DNASE2: variants seen among roughly 807,000 people sequenced by gnomAD.
The protein encoded by DNASE2 is deoxyribonuclease 2, lysosomal.
DNASE2 carries 26 observed loss-of-function variants against 29.8 expected under a neutral mutation model. The observed-to-expected ratio is 0.87, with a 90% CI of 0.64 to 1.21. DNASE2 has a LOEUF of 1.21. DNASE2 is among the 50% of genes most tolerant of loss of function. The probability of loss-of-function intolerance (pLI) is 0.00; values close to 1 mark genes in which losing one functional copy is unlikely to be tolerated. For synonymous variants in DNASE2, 186 were observed against 193.5 expected (o/e 0.96, Z 0.32); for missense variants, 415 against 455.6 (o/e 0.91, Z 0.81).
At chr19:12,876,984 G>A (rs564826311) in intron 5 of DNASE2, among the ~76,000 whole-genome samples, 3 of 151,674 alleles carry the variant, frequency 2.0e-5, no homozygotes, top group South Asian at 4.2e-4. Flanking sequence ...CACCACACCC[G>A]GCTAATTTTT....
chr19:12,878,651 T>C lies in DNASE2; in HGVS notation c.511+19A>G, dbSNP rs746953632. 1 of 1,613,998 alleles carries C rather than the reference T, an allele frequency of 6.2e-7. No homozygotes were observed. The highest frequency in any genetic ancestry group is 1.1e-5 in the South Asian group (1 of 91,066). ...GTCAGTAAACCCAGGACTCATCCTG[T>C]GTCCCTGACTCGACTTACCCATCTT... On this transcript the variant is annotated intron_variant, in intron 4 of 5. Transcript: ENST00000222219.
Position 12,876,259 on chromosome 19 carries a change from G to A in DNASE2, c.814C>T (p.Gln272Ter). Reference sequence around the variant, plus strand: ...GCTATCTGGTTCACATTCAGAACCTGCCAGATATCCGAGCAGTTAGAGGGC... The same window carrying A: ...GCTATCTGGTTCACATTCAGAACCTACCAGATATCCGAGCAGTTAGAGGGC... ...ILPSNCSDIW[Q>*]VLNVNQIAFP... is the part of the protein sequence containing the mutation. The change falls in exon 6 of 6, where the codon CAG (glutamine) becomes TAG (stop). Residue 272 changes from glutamine to a stop codon, truncating the protein, a stop_gained. Coordinates refer to ENST00000222219, the MANE Select transcript of DNASE2 (RefSeq NM_001375.3). LOFTEE classifies it low-confidence loss of function (END_TRUNC). 6.2e-7 allele frequency: 1 copy of A among 1,614,178 alleles called. No individual in the cohort carries two copies. The highest frequency in any genetic ancestry group is 8.5e-7 in the Non-Finnish European group (1 of 1,180,034).
chr19:12,881,249 C>A, intron 1 of DNASE2, 41 bp downstream of exon 1: 1 of 1,597,996 alleles, frequency 6.3e-7, no homozygotes, highest in South Asian at 1.1e-5. Context: ...TGACCGCAGC[C>A]GGACCCCGGG....
intron 3 of DNASE2, 151 bp downstream of exon 3, chr19:12,880,651 A>T: frequency 9.9e-7 from 1 of 1,013,368 alleles, no homozygotes; most frequent in Non-Finnish European, 1.5e-6. Flanking sequence ...GCGAACTCCC[A>T]CCGTCTCAAA....
At position 12,878,701 on chromosome 19, in the gene DNASE2, C is replaced by A; in HGVS notation, c.480G>T (p.Val160=). The A allele has an allele frequency of 6.2e-7, 1 of 1,614,098 alleles. No individual in the cohort carries two copies. Residue 160 remains valine (V), a synonymous_variant, in exon 4 of 6, where the codon GTG becomes GTT. Transcript: ENST00000222219. The stretch of plus-strand genomic sequence containing the variant: ...TCGAGAACTGAGCGAAGGGAAAAGA[C>A]ACACAGAGCAGGGTCTGCCCGTAGG... The part of the protein sequence containing the change: ...ACTYGQTLLC[V]SFPFAQFSKM...
rs1467106300 is a variant in DNASE2, at chr19:12,875,991, T to C, written c.1082A>G (p.Ter361=). 1 of 1,613,146 alleles carries C rather than the reference T, an allele frequency of 6.2e-7. No individual in the cohort carries two copies. Among genetic ancestry groups the C allele is most frequent in the East Asian group, 2.2e-5 (1 of 44,882 alleles). The change falls in exon 6 of 6, where the codon TAA becomes TGA. Residue 361 remains the stop codon, a stop_retained_variant. Coordinates refer to ENST00000222219, the MANE Select transcript of DNASE2 (RefSeq NM_001375.3). ...AGCCACTGCACCTGGCCATAAGGGT[T>C]AGATCTTATAAGCTCTGCTGGGCTT... ...ARKPSRAYKI[*]
At chr19:12,877,233 T>C (rs1347699486) in intron 5 of DNASE2, among the ~76,000 whole-genome samples, 3 of 152,002 alleles carry the variant, frequency 2.0e-5, no homozygotes, top group Non-Finnish European at 4.4e-5. Flanking sequence ...CTGAGTGTTT[T>C]TAATTAATTA....
At chr19:12,880,147 C>G (rs905657356) in intron 3 of DNASE2, among the ~76,000 whole-genome samples, 1 of 147,638 alleles carries the variant, frequency 6.8e-6, no homozygotes, top group Admixed American at 6.8e-5. Context: ...TGGGGGGTAC[C>G]GGCAGGCCCA....
Position 12,880,850 on chromosome 19 carries a change from GC to G in DNASE2, c.297del (p.Pro100LeufsTer75), listed in dbSNP as rs1970372107. The G allele has an allele frequency of 5.0e-6, 8 of 1,614,194 alleles. No homozygotes were observed. The highest frequency in any genetic ancestry group is 6.8e-6 in the Non-Finnish European group (8 of 1,180,048). Reference protein sequence around the residue: ...QLAFLLYNDQPPQPSKAQDSS... With the variant: ...QLAFLLYNDQXPQPSKAQDSS... Reference sequence around the variant, plus strand: ...GAGTCCTGAGCCTTGCTGGGTTGAGGCGGTTGGTCATTGTAGAGCAGGAAGG... The same window carrying G: ...GAGTCCTGAGCCTTGCTGGGTTGAGGGGTTGGTCATTGTAGAGCAGGAAGG... On this transcript the variant is annotated frameshift_variant, in exon 3 of 6. Transcript: ENST00000222219. LOFTEE classifies it high-confidence loss of function.
At chr19:12,878,030 G>T (rs1599596842) in intron 5 of DNASE2, 3 of 357,210 alleles carry the variant, frequency 8.4e-6, no homozygotes, top group Admixed American at 3.9e-5. Flanking sequence ...TCCCAGGCTT[G>T]TCTTGGATGC....
rs1028045364 is a variant in DNASE2, at chr19:12,876,621, G to A, written c.710-258C>T. 2.6e-5 allele frequency among the ~76,000 whole-genome samples: 4 copies of A among 151,182 alleles called. No individual in the cohort carries two copies. In the South Asian group the frequency reaches 6.3e-4, roughly 24 times the overall value. On this transcript the variant is annotated intron_variant, in intron 5 of 5. Transcript: ENST00000222219. ...ACTACAGGCATGCACAACCATACCC[G>A]GCTAATTTTTTAATAAAGAGGGGTT...
chr19:12,881,108 G>A lies in DNASE2; in HGVS notation c.131C>T (p.Ala44Val). 1 of 1,611,734 alleles carries A rather than the reference G, an allele frequency of 6.2e-7. No homozygotes were observed. The highest frequency in any genetic ancestry group is 8.5e-7 in the Non-Finnish European group (1 of 1,179,988). The stretch of plus-strand genomic sequence containing the variant: ...CTTGTACTGCAGCCCTCTCTGCGCC[G>A]CCTCCCCGGACCCTCTAAGAGCTGG... Reference protein sequence around the residue: ...KLPALRGSGEAAQRGLQYKYL... With the variant: ...KLPALRGSGEVAQRGLQYKYL... Residue 44 changes from alanine (A) to valine (V), a missense_variant, in exon 2 of 6, where the codon GCG becomes GTG. Physicochemically the swap from Ala to Val is moderately conservative, Grantham distance 64 (BLOSUM62 0). Coordinates refer to ENST00000222219, the MANE Select transcript of DNASE2 (RefSeq NM_001375.3).
chr19:12,879,463 A>G (rs1447989562), intron 3 of DNASE2, among the ~76,000 whole-genome samples: 1 of 143,458 alleles, frequency 7.0e-6, no homozygotes, highest in East Asian at 2.2e-4. Flanking sequence ...CAGCCTGGGT[A>G]GCAAGAGCAA....
Position 12,881,231 on chromosome 19 carries a change from C to T in DNASE2, c.86+59G>A, listed in dbSNP as rs574022823. 8.7e-6 allele frequency: 14 copies of T among 1,607,004 alleles called. No homozygotes were observed. In the South Asian group the frequency reaches 1.1e-4, roughly 13 times the overall value. On this transcript the variant is annotated intron_variant, in intron 1 of 5. Coordinates refer to ENST00000222219, the MANE Select transcript of DNASE2 (RefSeq NM_001375.3). ...GGGTTCCCCGAGGAGGTAGCCATCCCGGTTGAGTGACCGCAGCCGGACCCC... is the reference window on the plus strand; with the variant it reads ...GGGTTCCCCGAGGAGGTAGCCATCCTGGTTGAGTGACCGCAGCCGGACCCC...
In DNASE2 at chr19:12,878,722, G is replaced by T; in HGVS notation, c.459C>A (p.Tyr153Ter). 6.2e-7 allele frequency: 1 copy of T among 1,614,112 alleles called. No individual in the cohort carries two copies. The highest frequency in any genetic ancestry group is 8.5e-7 in the Non-Finnish European group (1 of 1,180,000). Residue 153 changes from tyrosine to a stop codon, truncating the protein, a stop_gained, in exon 4 of 6, where the codon TAC becomes TAA. Coordinates refer to ENST00000222219, the MANE Select transcript of DNASE2 (RefSeq NM_001375.3). LOFTEE classifies it high-confidence loss of function. Reference protein sequence around the residue: ...AYSWPHSACTYGQTLLCVSFP... With the variant: ...AYSWPHSACT ...AAGACACACAGAGCAGGGTCTGCCCGTAGGTACAGGCGCTATGAGGCCAGC... is the reference window on the plus strand; with the variant it reads ...AAGACACACAGAGCAGGGTCTGCCCTTAGGTACAGGCGCTATGAGGCCAGC...
At chr19:12,880,561 CAGG>C (rs1158892173) in intron 3 of DNASE2, among the ~76,000 whole-genome samples, 2 of 151,926 alleles carry the variant, frequency 1.3e-5, no homozygotes, top group East Asian at 3.9e-4. Flanking sequence ...GAGGCTGAGA[CAGG>C]AGAATTGCTT....
intron 3 of DNASE2, 25 bp downstream of exon 3, chr19:12,880,777 C>G: frequency 6.2e-7 from 1 of 1,614,162 alleles, no homozygotes; most frequent in South Asian, 1.1e-5. Flanking sequence ...CCGAGTCTCT[C>G]CCCAGCCCCC....
rs1322603694 is a variant in DNASE2 at position 12,878,414 on chromosome 19, T to C, written c.677A>G (p.Gln226Arg). 6.2e-7 allele frequency: 1 copy of C among 1,613,176 alleles called. No individual in the cohort carries two copies. The highest frequency in any genetic ancestry group is 1.1e-5 in the South Asian group (1 of 91,026). The change falls in exon 5 of 6, where the codon CAG (glutamine) becomes CGG (arginine). Residue 226 changes from glutamine to arginine, a missense_variant. By Grantham distance (43) the Gln-to-Arg change is conservative (BLOSUM62 1). Coordinates refer to ENST00000222219, the MANE Select transcript of DNASE2 (RefSeq NM_001375.3). ...AAATTTGCTGAACTTGGCAAAGCTC[T>C]GGAAAACAGCCCCGGCCTGGGATGT... ...TLTSQAGAVF[Q>R]SFAKFSKFGD...
chr19:12,876,397 C>G (rs1970321143), intron 5 of DNASE2, 34 bp from the exon 6 acceptor site: 2 of 1,603,812 alleles, frequency 1.2e-6, no homozygotes, highest in Admixed American at 3.3e-5. Flanking sequence ...CAGGTAGGGT[C>G]AGGGCCACTG....
Sources: allele counts gnomAD v4.1 joint callset (sites outside exome capture counted in the v4.1 genomes callset), GRCh38; gene constraint gnomAD v4.1.1; transcripts MANE v1.5; gene names NCBI Gene and HGNC (gene_info 2026-07-23, HGNC 2026-07-21).